The following FBXL5 variants were observed in gnomAD, a reference collection of about 807,000 sequenced individuals.
The protein encoded by FBXL5 is F-box/LRR-repeat protein 5.
A neutral mutation model predicts 78.3 loss-of-function variants in FBXL5; 26 were observed. That is an observed-to-expected ratio of 0.33 (90% confidence interval 0.24 to 0.46). The LOEUF (loss-of-function observed/expected upper bound fraction) is 0.46. FBXL5 is among the 20% of genes least tolerant of loss of function. FBXL5 has a pLI of 1.00. For missense variants in FBXL5, 710 were observed against 829.2 expected, an observed-to-expected ratio of 0.86 and a Z score of 1.77; for synonymous variants, 295 against 282.5, an observed-to-expected ratio of 1.04 and a Z score of -0.45.
At chr4:15,654,554 C>T (rs914787496) in intron 1 of FBXL5, among the ~76,000 whole-genome samples, 11 of 152,114 alleles carry the variant, frequency 7.2e-5, no homozygotes, top group Non-Finnish European at 1.0e-4. Context: ...GTGTTCAGGG[C>T]AATAAAAGTT....
intron 1 of FBXL5, among the ~76,000 whole-genome samples, chr4:15,666,241 G>A (rs1717539512): frequency 6.6e-6 from 1 of 151,856 alleles, no homozygotes; most frequent in African/African-American, 2.4e-5. Flanking sequence ...ACCACAAAAA[G>A]TTAAAAAATT....
intron 1 of FBXL5, among the ~76,000 whole-genome samples, chr4:15,675,572 ATTTTTTTT>A (rs60660814): frequency 6.6e-4 from 64 of 96,684 alleles, no homozygotes; most frequent in African/African-American, 2.3e-3. Flanking sequence ...CAAAACTCCT[ATTTTTTTT>A]TTTTTTTTTT....
At chr4:15,623,560 C>T (rs1388245868) in intron 9 of FBXL5, among the ~76,000 whole-genome samples, 1 of 152,036 alleles carries the variant, frequency 6.6e-6, no homozygotes, top group Non-Finnish European at 1.5e-5. Flanking sequence ...CTAAAAATTG[C>T]TTTTACTTTC....
chr4:15,638,954 C>T (rs4698405), intron 3 of FBXL5, among the ~76,000 whole-genome samples: 43,756 of 151,896 alleles, frequency 0.29, 6,615 homozygotes, highest in East Asian at 0.48. Flanking sequence ...CACCTGAGGT[C>T]GGGAGTTCGA....
intron 9 of FBXL5, among the ~76,000 whole-genome samples, chr4:15,621,963 G>C (rs1242257208): frequency 6.6e-6 from 1 of 152,106 alleles, no homozygotes; most frequent in Non-Finnish European, 1.5e-5. Flanking sequence ...TGAGTAGCTG[G>C]AACTACAGGT....
At chr4:15,623,989 A>AT (rs1032409078) in intron 9 of FBXL5, among the ~76,000 whole-genome samples, 22 of 149,444 alleles carry the variant, frequency 1.5e-4, no homozygotes, top group African/African-American at 4.7e-4. Flanking sequence ...TGCCCGGCTA[A>AT]TTTTTTTTTT....
At chr4:15,618,563 G>A (rs1030936171) in intron 9 of FBXL5, among the ~76,000 whole-genome samples, 29 of 152,238 alleles carry the variant, frequency 1.9e-4, no homozygotes, top group Admixed American at 7.8e-4. Flanking sequence ...AACATTGGCT[G>A]GGCGCAGTGG....
intron 10 of FBXL5, among the ~76,000 whole-genome samples, chr4:15,611,823 A>G (rs1722289211): frequency 6.6e-6 from 1 of 152,094 alleles, no homozygotes; most frequent in Admixed American, 6.5e-5. Context: ...GGAAGTCCAC[A>G]TTACCAAAGT....
rs773033449 is a variant in FBXL5 at position 15,625,738 on chromosome 4, A to G, written c.1364T>C (p.Ile455Thr). The stretch of plus-strand genomic sequence containing the variant: ...GTGTTCATTATCTATTTCTTCTCCA[A>G]TGCCCTTGTTAGTTAAATCGTGCAA... ...ACLHDLTNKG[I>T]GEEIDNEHPW... Residue 455 changes from isoleucine (I) to threonine (T), a missense_variant, in exon 9 of 11, where the codon ATT becomes ACT. Ile to Thr is a moderately conservative substitution (Grantham distance 89). Around this residue, in one of 4 missense-constraint regions of FBXL5, gnomAD observed 517 missense variants for 542.9 expected, o/e 0.95. Transcript: ENST00000341285. 6.2e-7 allele frequency: 1 copy of G among 1,614,228 alleles called. No individual in the cohort carries two copies. The highest frequency in any genetic ancestry group is 2.2e-5 in the East Asian group (1 of 44,890).
At position 15,667,716 on chromosome 4, in the gene FBXL5, G is replaced by A. The variant is rs190083479; in HGVS notation, c.-283-7794C>T. ...GATATGATAAATAAAACATGAGTTG[G>A]CCAGAATATTTTTACTGATGTCTTC... On this transcript the variant is annotated intron_variant, in intron 1 of 4. Transcript: ENST00000507899. Among the ~76,000 whole-genome samples, 7 of 152,168 alleles carry A rather than the reference G, an allele frequency of 4.6e-5. No homozygotes were observed. The South Asian group carries it at 6.2e-4, about 14-fold the overall frequency.
rs377503165 is a variant in FBXL5, at chr4:15,652,080, G to C, written c.84+3124C>G. Among the ~76,000 whole-genome samples, 12 of 152,324 alleles carry C rather than the reference G, an allele frequency of 7.9e-5. No homozygotes were observed. In the East Asian group the frequency reaches 1.9e-3, roughly 24 times the overall value. On this transcript the variant is annotated intron_variant, in intron 1 of 10. Transcript: ENST00000341285. The stretch of plus-strand genomic sequence containing the variant: ...TCTTTCTGTAGTACAAGCTACTACA[G>C]AGTAGACGGTAGAAACTCCAATGCT...
At chr4:15,651,171 T>C (rs1715994477) in intron 1 of FBXL5, among the ~76,000 whole-genome samples, 1 of 152,222 alleles carries the variant, frequency 6.6e-6, no homozygotes, top group Admixed American at 6.5e-5. Context: ...GAAGAAACCT[T>C]AGTAAGTAGC....
At chr4:15,639,669 T>C (rs1714636991) in intron 3 of FBXL5, among the ~76,000 whole-genome samples, 1 of 152,236 alleles carries the variant, frequency 6.6e-6, no homozygotes. Flanking sequence ...CTGGTCAGTC[T>C]AGAAATTCAG....
At chr4:15,661,183 G>A (rs1477861386), upstream of FBXL5, among the ~76,000 whole-genome samples, 2 of 152,168 alleles carry the variant, frequency 1.3e-5, no homozygotes, top group African/African-American at 4.8e-5. Flanking sequence ...TCTCTACCAA[G>A]GTGATTCTTT....
At chr4:15,627,317 T>C (rs1193371050) in intron 7 of FBXL5, among the ~76,000 whole-genome samples, 2 of 152,000 alleles carry the variant, frequency 1.3e-5, no homozygotes, top group African/African-American at 4.8e-5. Context: ...GCATTTTTAG[T>C]AGAGATGGGG....
At chr4:15,655,037 G>A (rs1716689776) in intron 1 of FBXL5, among the ~76,000 whole-genome samples, 167 bp downstream of exon 1, 1 of 150,962 alleles carries the variant, frequency 6.6e-6, no homozygotes, top group South Asian at 2.1e-4. Context: ...CTCGCAGCGG[G>A]CGGGCAGGCT....
At chr4:15,611,859 C>T (rs73239174) in intron 10 of FBXL5, among the ~76,000 whole-genome samples, 13,854 of 152,094 alleles carry the variant, frequency 0.091, 771 homozygotes, top group Non-Finnish European at 0.12. Flanking sequence ...TTTGATAAAG[C>T]TGTCTTACAA....
intron 10 of FBXL5, among the ~76,000 whole-genome samples, chr4:15,606,534 AAAG>A (rs1269301069): frequency 3.3e-5 from 5 of 152,182 alleles, no homozygotes; most frequent in Non-Finnish European, 4.4e-5. Context: ...AGAAAATATC[AAAG>A]AAGAAGTTTC....
At chr4:15,620,797 G>C (rs1712400735) in intron 9 of FBXL5, among the ~76,000 whole-genome samples, 1 of 152,258 alleles carries the variant, frequency 6.6e-6, no homozygotes, top group African/African-American at 2.4e-5. Flanking sequence ...GCCCAGGGCG[G>C]AAAACCACTT....
Sources: gnomAD v4.1 joint callset for allele counts (sites outside exome capture counted in the v4.1 genomes callset) on GRCh38, gnomAD v4.1.1 for gene constraint, gnomAD v4.1.1 regional missense constraint, MANE v1.5 for transcripts, NCBI Gene and HGNC (gene_info 2026-07-23, HGNC 2026-07-21) for gene names.